NCKAP1L: variants seen among roughly 807,000 people sequenced by gnomAD.
NCKAP1L encodes the protein nck-associated protein 1-like.
NCKAP1L carries 53 observed loss-of-function variants against 139.2 expected under a neutral mutation model. The ratio of observed to expected loss-of-function variants is 0.38; its 90% CI spans 0.31 to 0.48. NCKAP1L has a LOEUF of 0.48. Ranked by LOEUF, NCKAP1L falls within the 20% of genes least tolerant of loss-of-function variation. The pLI, the probability that NCKAP1L is intolerant of heterozygous loss-of-function variation, is 0.98. For synonymous variants in NCKAP1L, 468 were observed against 499.7 expected (o/e 0.94, Z 0.85); for missense variants, 1,151 against 1,381.9 (o/e 0.83, Z 2.65).
intron 28 of NCKAP1L, among the ~76,000 whole-genome samples, 185 bp from the exon 29 acceptor site, chr12:54,536,759 T>G (rs1957116758): frequency 6.6e-6 from 1 of 151,174 alleles, no homozygotes; most frequent in Non-Finnish European, 1.5e-5. Flanking sequence ...TATGCATAAT[T>G]CGATTTCAAT....
chr12:54,548,056 T>G lies in NCKAP1L; in HGVS notation c.*5371T>G, dbSNP rs1957213345. Reference sequence around the variant, plus strand: ...GACCTAACTTGGCAATTCTTTTATGTTAGGAGTCTTAGCTGTGACAGTTCA... The same window carrying G: ...GACCTAACTTGGCAATTCTTTTATGGTAGGAGTCTTAGCTGTGACAGTTCA... On this transcript the variant is annotated 3_prime_UTR_variant, in exon 31 of 31. Coordinates refer to ENST00000293373, the MANE Select transcript of NCKAP1L (RefSeq NM_005337.5). 1 of 152,152 alleles carries G rather than the reference T, an allele frequency of 6.6e-6. No homozygotes were observed. Among genetic ancestry groups the G allele is most frequent in the Non-Finnish European group, 1.5e-5 (1 of 68,048 alleles). The allele number at this position is 152,152 out of a possible 1,614,324, so 9.4% of individuals were successfully genotyped here.
At chr12:54,525,672 C>T (rs1707488) in intron 20 of NCKAP1L, among the ~76,000 whole-genome samples, 28,560 of 152,202 alleles carry the variant, frequency 0.19, 3,274 homozygotes, top group Middle Eastern at 0.29. Flanking sequence ...ATTATCTTCC[C>T]TTAAGTGGTA....
intron 20 of NCKAP1L, among the ~76,000 whole-genome samples, chr12:54,525,587 A>C (rs1467555273): frequency 1.3e-5 from 2 of 152,108 alleles, no homozygotes. Context: ...CCAAAGCCCT[A>C]AGGTTGGCCT....
At chr12:54,505,216 C>T (rs1956830610) in intron 3 of NCKAP1L, among the ~76,000 whole-genome samples, 1 of 152,242 alleles carries the variant, frequency 6.6e-6, no homozygotes, top group African/African-American at 2.4e-5. Flanking sequence ...ACTGCCTGCA[C>T]AGGGCACATT....
At position 54,531,544 on chromosome 12, in the gene NCKAP1L, C is replaced by T. The variant is rs762795933; in HGVS notation, c.2658C>T (p.Ser886=). 3 of 1,614,206 alleles carry T rather than the reference C, an allele frequency of 1.9e-6. No individual in the cohort carries two copies. The highest frequency in any genetic ancestry group is 2.5e-6 in the Non-Finnish European group (3 of 1,180,038). ...DILVQIRSNF[S]KPDLMASLLP... ...TTGTTCAGATCAGATCCAACTTTAG[C>T]AAGCCGGACTTGATGGCTTCCCTGC... The change falls in exon 24 of 31, where the codon AGC becomes AGT. Residue 886 remains serine (S), a synonymous_variant. Transcript: ENST00000293373.
Position 54,538,901 on chromosome 12 carries a change from C to T in NCKAP1L, c.3201C>T (p.Leu1067=). The part of the protein sequence containing the change: ...KEFLVVASVS[L]LQLGQETDKL... ...CCTTACAGGTGGCCTCTGTCAGCCT[C>T]TTGCAGCTGGGCCAGGAGACTGACA... The change falls in exon 30 of 31, where the codon CTC becomes CTT. Residue 1067 remains leucine, a synonymous_variant. Coordinates refer to ENST00000293373, the MANE Select transcript of NCKAP1L (RefSeq NM_005337.5). The T allele has an allele frequency of 6.2e-7, 1 of 1,614,062 alleles. No individual in the cohort carries two copies. The highest frequency in any genetic ancestry group is 8.5e-7 in the Non-Finnish European group (1 of 1,179,946).
chr12:54,525,317 A>C (rs546975115), intron 20 of NCKAP1L, among the ~76,000 whole-genome samples: 68 of 152,366 alleles, frequency 4.5e-4, no homozygotes, highest in South Asian at 2.3e-3. Context: ...TTTGATTGTC[A>C]GAGAAGCAAA....
At position 54,545,124 on chromosome 12, in the gene NCKAP1L, G is replaced by A. The variant is rs1434767444; in HGVS notation, c.*2439G>A. The A allele has an allele frequency of 6.6e-6, 1 of 152,024 alleles. No individual in the cohort carries two copies. The allele number at this position is 152,024 out of a possible 1,614,324, so 9.4% of individuals were successfully genotyped here. On this transcript the variant is annotated 3_prime_UTR_variant, in exon 31 of 31. Coordinates refer to ENST00000293373, the MANE Select transcript of NCKAP1L (RefSeq NM_005337.5). ...CCCACAACCCCCTTCCCCATCTCTAGCTCCTGGTAACACAGATATATTCTC... is the reference window on the plus strand; with the variant it reads ...CCCACAACCCCCTTCCCCATCTCTAACTCCTGGTAACACAGATATATTCTC...
chr12:54,499,473 C>T lies in NCKAP1L; in HGVS notation c.213+8C>T. On this transcript the variant is annotated splice_region_variant and intron_variant, in intron 2 of 30. Transcript: ENST00000293373. ...GATGTCCGAAACAGCACGGTGAGAA[C>T]TTGGTCCTTCTCTCCTTTCTCTGAA... 2.1e-6 allele frequency: 3 copies of T among 1,435,524 alleles called. No homozygotes were observed. Among genetic ancestry groups the T allele is most frequent in the Non-Finnish European group, 2.0e-6 (2 of 1,017,434 alleles). 88.9% of individuals were successfully genotyped at this position (1,435,524 alleles called of 1,614,324 possible). A position where few individuals can be genotyped will look rare whatever the true frequency, so the allele number is the denominator to read the frequency against.
Position 54,546,812 on chromosome 12 carries a change from AACTTG to A in NCKAP1L, c.*4129_*4133del, listed in dbSNP as rs1324455318. ...TTGCAGGTTGAGGAAGTCAGAAGTTAACTTGAGCTGAGTTTGCAGCTCTGGAGAGA... is the reference window on the plus strand; with the variant it reads ...TTGCAGGTTGAGGAAGTCAGAAGTTAAGCTGAGTTTGCAGCTCTGGAGAGA... On this transcript the variant is annotated 3_prime_UTR_variant, in exon 31 of 31. Coordinates refer to ENST00000293373, the MANE Select transcript of NCKAP1L (RefSeq NM_005337.5). 6.6e-6 allele frequency: 1 copy of A among 152,350 alleles called. No individual in the cohort carries two copies. The highest frequency in any genetic ancestry group is 1.5e-5 in the Non-Finnish European group (1 of 68,126). 9.4% of individuals were successfully genotyped at this position (152,350 alleles called of 1,614,324 possible).
intron 28 of NCKAP1L, 31 bp downstream of exon 28, chr12:54,536,276 G>C (rs1957112178): frequency 6.9e-7 from 1 of 1,443,438 alleles, no homozygotes; most frequent in African/African-American, 1.4e-5. Flanking sequence ...AGACACCAGT[G>C]CTATTCAAGT....
intron 3 of NCKAP1L, among the ~76,000 whole-genome samples, chr12:54,502,914 C>T (rs976872950): frequency 6.7e-6 from 1 of 148,898 alleles, no homozygotes; most frequent in Non-Finnish European, 1.5e-5. Context: ...AGGAGGATCA[C>T]TTGAACCTGG....
At chr12:54,538,746 C>T (rs1957133089) in intron 29 of NCKAP1L, 138 bp from the exon 30 acceptor site, 1 of 665,760 alleles carries the variant, frequency 1.5e-6, no homozygotes, top group African/African-American at 1.8e-5. Context: ...GGAGATTTGC[C>T]ACTTTCCCAC....
intron 3 of NCKAP1L, among the ~76,000 whole-genome samples, chr12:54,503,283 A>C (rs1956815360): frequency 6.6e-6 from 1 of 152,112 alleles, no homozygotes; most frequent in Admixed American, 6.6e-5. Flanking sequence ...TTAAATAATG[A>C]GCATGTATTA....
At position 54,543,725 on chromosome 12, in the gene NCKAP1L, A is replaced by G. The variant is rs1957177577; in HGVS notation, c.*1040A>G. On this transcript the variant is annotated 3_prime_UTR_variant, in exon 31 of 31. Coordinates refer to ENST00000293373, the MANE Select transcript of NCKAP1L (RefSeq NM_005337.5). ...TGCGCTAATTAGAATTTCAAGCGTC[A>G]CAGAGCCTGGGGGCTTTCAAGATAG... The G allele has an allele frequency of 6.6e-6, 1 of 152,204 alleles. No individual in the cohort carries two copies. The highest frequency in any genetic ancestry group is 1.5e-5 in the Non-Finnish European group (1 of 68,044). The allele number at this position is 152,204 out of a possible 1,614,324, so 9.4% of individuals were successfully genotyped here.
intron 9 of NCKAP1L, 149 bp from the exon 10 acceptor site, chr12:54,516,090 T>C: frequency 1.5e-6 from 1 of 674,682 alleles, no homozygotes; most frequent in Non-Finnish European, 2.7e-6. Flanking sequence ...TAGGCTAGGG[T>C]GAGAAGTAGG....
rs1250309130 is a variant in NCKAP1L, at chr12:54,544,959, C to T, written c.*2274C>T. 3 of 152,174 alleles carry T rather than the reference C, an allele frequency of 2.0e-5. No individual in the cohort carries two copies. Among genetic ancestry groups the T allele is most frequent in the African/African-American group, 7.2e-5 (3 of 41,418 alleles). The allele number at this position is 152,174 out of a possible 1,614,324, so 9.4% of individuals were successfully genotyped here. A position where few individuals can be genotyped will look rare whatever the true frequency, so the allele number is the denominator to read the frequency against. ...GTTGCAGTAAGCTAAGATCCTGCCA[C>T]AGCATTCCAGGCTGAGTGACAGAGC... On this transcript the variant is annotated 3_prime_UTR_variant, in exon 31 of 31. Coordinates refer to ENST00000293373, the MANE Select transcript of NCKAP1L (RefSeq NM_005337.5).
chr12:54,528,182 G>A, intron 21 of NCKAP1L, 65 bp from the exon 22 acceptor site: 1 of 1,574,388 alleles, frequency 6.4e-7, no homozygotes, highest in Non-Finnish European at 8.6e-7. Flanking sequence ...AGTGGTAGTA[G>A]TAGGGAATGC....
chr12:54,532,056 G>A, intron 25 of NCKAP1L, 114 bp from the exon 26 acceptor site: 2 of 871,504 alleles, frequency 2.3e-6, no homozygotes, highest in Non-Finnish European at 3.5e-6. Context: ...TGGAAAGCTG[G>A]CTAGGTTCTT....
Sources: allele counts gnomAD v4.1 joint callset (sites outside exome capture counted in the v4.1 genomes callset), GRCh38; gene constraint gnomAD v4.1.1; transcripts MANE v1.5; gene names NCBI Gene and HGNC (gene_info 2026-07-23, HGNC 2026-07-21).